The following SF3B3 variants were observed in gnomAD, a reference collection of about 807,000 sequenced individuals.
SF3B3 encodes SAP 130.
A neutral mutation model predicts 139.2 loss-of-function variants in SF3B3; 33 were observed. The ratio of observed to expected loss-of-function variants is 0.24; its 90% CI spans 0.18 to 0.32. The LOEUF (loss-of-function observed/expected upper bound fraction) is 0.32. Among genes scored for constraint, SF3B3 ranks in the 10% least tolerant of loss-of-function variants. The pLI is 1.00. For synonymous variants in SF3B3, 596 were observed against 563.6 expected, an observed-to-expected ratio of 1.06 and a Z score of -0.81; for missense variants, 818 against 1,509.4, an observed-to-expected ratio of 0.54 and a Z score of 7.59.
At chr16:70,529,423 G>T in intron 3 of SF3B3, 3 of 526,494 alleles carry the variant, frequency 5.7e-6, no homozygotes, top group Non-Finnish European at 1.0e-5. Context: ...GTTGGAAATG[G>T]GTGTTTTTCA....
chr16:70,564,198 G>GC, intron 18 of SF3B3, 148 bp downstream of exon 18: 1 of 728,810 alleles, frequency 1.4e-6, no homozygotes, highest in Non-Finnish European at 2.2e-6. Flanking sequence ...TAGCAAAACT[G>GC]CACCTCTATT....
chr16:70,529,490 T>G (rs1327216412), intron 3 of SF3B3: 1 of 389,724 alleles, frequency 2.6e-6, no homozygotes, highest in African/African-American at 2.1e-5. Context: ...TATTAGACAG[T>G]GAATATCGTT....
chr16:70,544,754 G>C (rs1034164321), intron 10 of SF3B3, among the ~76,000 whole-genome samples: 7 of 152,200 alleles, frequency 4.6e-5, no homozygotes, highest in African/African-American at 1.7e-4. Flanking sequence ...GCAATGACAT[G>C]ATCTTGGCTC....
chr16:70,556,725 G>A, intron 14 of SF3B3, 161 bp from the exon 15 acceptor site: 2 of 681,490 alleles, frequency 2.9e-6, no homozygotes, highest in African/African-American at 3.6e-5. Context: ...TTCTGAAATT[G>A]GGTGTAACTA....
In SF3B3 at chr16:70,555,148, A is replaced by G; in HGVS notation, c.1652A>G (p.Gln551Arg). 6.2e-7 allele frequency: 1 copy of G among 1,614,164 alleles called. No homozygotes were observed. The highest frequency in any genetic ancestry group is 8.5e-7 in the Non-Finnish European group (1 of 1,179,986). The change falls in exon 13 of 26, where the codon CAG (glutamine) becomes CGG (arginine). Residue 551 changes from glutamine (Q) to arginine (R), a missense_variant. This residue lies in a region of SF3B3 where 170 missense variants were observed against 353.0 expected (regional missense o/e 0.48). Transcript: ENST00000302516. ...ACAATTGTGAAGTGTGCAGTGAACC[A>G]GCGACAAGTGGTGATTGCCCTGACA... ...KKTIVKCAVN[Q>R]RQVVIALTGG...
chr16:70,546,823 C>T (rs1254656864), intron 10 of SF3B3, among the ~76,000 whole-genome samples: 5 of 152,030 alleles, frequency 3.3e-5, no homozygotes, highest in Non-Finnish European at 5.9e-5. Flanking sequence ...GTCAGGAGAT[C>T]GAGACCATCT....
chr16:70,567,203 T>G (rs2151794645), intron 20 of SF3B3, among the ~76,000 whole-genome samples: 1 of 152,342 alleles, frequency 6.6e-6, no homozygotes, highest in South Asian at 2.1e-4. Flanking sequence ...CCAGAACTTC[T>G]TGTCAGTTAC....
chr16:70,538,790 T>A (rs1246694353), intron 7 of SF3B3, among the ~76,000 whole-genome samples: 3 of 152,124 alleles, frequency 2.0e-5, no homozygotes, highest in African/African-American at 7.2e-5. Flanking sequence ...ACGAGCTCTG[T>A]GAGTTGTTGG....
chr16:70,554,417 C>T (rs377765488), intron 11 of SF3B3, 29 bp from the exon 12 acceptor site: 21 of 1,611,046 alleles, frequency 1.3e-5, no homozygotes, highest in South Asian at 4.4e-5. Context: ...GAGTTCTTAT[C>T]TAACCAACTC....
Position 70,530,731 on chromosome 16 carries a change from T to C in SF3B3, c.398-14T>C. On this transcript the variant is annotated splice_polypyrimidine_tract_variant and intron_variant, in intron 3 of 25. Transcript: ENST00000302516. Reference sequence around the variant, plus strand: ...ATCTGGGAATCTTGTATGTTTTATCTCCTTCAACTACAGGTGCCATTGAGA... The same window carrying C: ...ATCTGGGAATCTTGTATGTTTTATCCCCTTCAACTACAGGTGCCATTGAGA... 6.2e-7 allele frequency: 1 copy of C among 1,602,870 alleles called. No individual in the cohort carries two copies. The highest frequency in any genetic ancestry group is 8.5e-7 in the Non-Finnish European group (1 of 1,174,828).
chr16:70,545,142 G>T (rs2050255668), intron 10 of SF3B3, among the ~76,000 whole-genome samples: 1 of 152,120 alleles, frequency 6.6e-6, no homozygotes, highest in South Asian at 2.1e-4. Flanking sequence ...ATGGCTCACT[G>T]CAGCCTTGAC....
In SF3B3 at chr16:70,557,066, C is replaced by A. The variant is rs781642851; in HGVS notation, c.2010+37C>A. ...AGAGGCCCACATTGTGGACATTAGG[C>A]CTTCTGTACGTTTCACACACTCCTT... On this transcript the variant is annotated intron_variant, in intron 15 of 25. Coordinates refer to ENST00000302516, the MANE Select transcript of SF3B3 (RefSeq NM_012426.5). 5.1e-6 allele frequency: 8 copies of A among 1,557,366 alleles called. No homozygotes were observed. In the Middle Eastern group the frequency reaches 5.2e-4, roughly 102 times the overall value.
chr16:70,525,957 CAAA>C (rs920550920), intron 1 of SF3B3, among the ~76,000 whole-genome samples: 3 of 42,266 alleles, frequency 7.1e-5, no homozygotes, highest in Admixed American at 2.8e-4. Flanking sequence ...TGAGACGCCT[CAAA>C]AAAAAAAAAA....
At chr16:70,538,591 A>G (rs755436120) in intron 7 of SF3B3, 131 bp downstream of exon 7, 5 of 716,066 alleles carry the variant, frequency 7.0e-6, no homozygotes, top group Non-Finnish European at 9.0e-6. Context: ...ATGAGTATAG[A>G]TTTTCTCTCT....
chr16:70,552,538 G>A (rs78345599), intron 11 of SF3B3, among the ~76,000 whole-genome samples: 4,851 of 152,200 alleles, frequency 0.032, 286 homozygotes, highest in African/African-American at 0.11. Context: ...CTTATAAGAC[G>A]TTCCCAAAGC....
intron 20 of SF3B3, among the ~76,000 whole-genome samples, chr16:70,566,815 G>A (rs771389735): frequency 1.3e-5 from 2 of 152,160 alleles, no homozygotes; most frequent in Admixed American, 6.5e-5. Flanking sequence ...TTGGGAGTCT[G>A]AGTCGAGCAG....
intron 11 of SF3B3, chr16:70,550,212 A>ACT (rs2050309085): frequency 6.6e-6 from 1 of 152,228 alleles, no homozygotes; most frequent in Non-Finnish European, 1.5e-5. Context: ...TAAAAAAAGA[A>ACT]GACAAGTATA....
intron 11 of SF3B3, among the ~76,000 whole-genome samples, chr16:70,551,591 A>T (rs915740587): frequency 1.3e-5 from 2 of 152,182 alleles, no homozygotes; most frequent in Non-Finnish European, 2.9e-5. Flanking sequence ...AATCCTAGCT[A>T]CTAGAGAGGC....
At position 70,563,867 on chromosome 16, in the gene SF3B3, T is replaced by A; in HGVS notation, c.2289-9T>A. On this transcript the variant is annotated splice_polypyrimidine_tract_variant and intron_variant, in intron 17 of 25. Transcript: ENST00000302516. ...AGTATTAAATAACTGCCTTGCTTTT[T>A]TGTCATAGGATTTTGGCATTAGAGA... 2.5e-6 allele frequency: 4 copies of A among 1,613,640 alleles called. No individual in the cohort carries two copies. Among genetic ancestry groups the A allele is most frequent in the Non-Finnish European group, 3.4e-6 (4 of 1,179,784 alleles).
Sources: gnomAD v4.1 joint callset for allele counts (sites outside exome capture counted in the v4.1 genomes callset) on GRCh38, gnomAD v4.1.1 for gene constraint, gnomAD v4.1.1 regional missense constraint, MANE v1.5 for transcripts, NCBI Gene and HGNC (gene_info 2026-07-23, HGNC 2026-07-21) for gene names.